KIT: variants seen among roughly 807,000 people sequenced by gnomAD.
The protein encoded by KIT is mast/stem cell growth factor receptor Kit.
KIT carries 16 observed loss-of-function variants against 105.7 expected under a neutral mutation model. The ratio of observed to expected loss-of-function variants is 0.15; its 90% CI spans 0.10 to 0.23. The LOEUF (loss-of-function observed/expected upper bound fraction) is 0.23. Ranked by LOEUF, KIT falls within the 10% of genes least tolerant of loss-of-function variation. The probability of loss-of-function intolerance (pLI) is 1.00; values close to 1 mark genes in which losing one functional copy is unlikely to be tolerated. For synonymous variants in KIT, 438 were observed against 441.1 expected, an observed-to-expected ratio of 0.99 and a Z score of 0.09; for missense variants, 858 against 1,213.8, an observed-to-expected ratio of 0.71 and a Z score of 4.36.
intron 2 of KIT, among the ~76,000 whole-genome samples, chr4:54,697,437 T>A (rs1164605931): frequency 2.6e-5 from 4 of 151,956 alleles, no homozygotes; most frequent in Non-Finnish European, 5.9e-5. Flanking sequence ...CTGTAGAGAG[T>A]GGCAGCATAT....
chr4:54,711,149 GGGATTACAGGAGTGAGCCACAACACT>G (rs1345057871), intron 7 of KIT, among the ~76,000 whole-genome samples: 2 of 152,146 alleles, frequency 1.3e-5, no homozygotes, highest in Non-Finnish European at 2.9e-5. Flanking sequence ...CCAAAGCACT[GGGATTACAGGAGTGAGCCACAACACT>G]CAACCTGTGT....
chr4:54,703,407 C>G (rs1720576004), intron 4 of KIT, among the ~76,000 whole-genome samples: 1 of 152,002 alleles, frequency 6.6e-6, no homozygotes, highest in Non-Finnish European at 1.5e-5. Context: ...TATCAGTATC[C>G]CATAATATTT....
At position 54,725,851 on chromosome 4, in the gene KIT, C is replaced by G. The variant is rs927440024; in HGVS notation, c.1347-6C>G. On this transcript the variant is annotated splice_region_variant and splice_polypyrimidine_tract_variant and intron_variant, in intron 8 of 20. Transcript: ENST00000288135. ...TAAGCCAGGGCTTTTGTTTTCTTCC[C>G]TTTAGATGCTCTGCTTCTGTACTGC... 1 of 1,613,658 alleles carries G rather than the reference C, an allele frequency of 6.2e-7. No individual in the cohort carries two copies. The highest frequency in any genetic ancestry group is 8.5e-7 in the Non-Finnish European group (1 of 1,179,762).
rs1231535676 is a variant in KIT, at chr4:54,736,788, G to C, written c.2664G>C (p.Arg888=). ...KFYKMIKEGF[R]MLSPEHAPAE... Reference sequence around the variant, plus strand: ...ACAAGATGATCAAGGAAGGCTTCCGGATGCTCAGCCCTGAACACGCACCTG... The same window carrying C: ...ACAAGATGATCAAGGAAGGCTTCCGCATGCTCAGCCCTGAACACGCACCTG... Residue 888 remains arginine (R), a synonymous_variant, in exon 19 of 21, where the codon CGG becomes CGC. Transcript: ENST00000288135. 6.2e-7 allele frequency: 1 copy of C among 1,613,990 alleles called. No individual in the cohort carries two copies. The highest frequency in any genetic ancestry group is 1.3e-5 in the African/African-American group (1 of 74,926).
At chr4:54,686,219 T>TAA (rs201077047) in intron 1 of KIT, among the ~76,000 whole-genome samples, 1 of 147,486 alleles carries the variant, frequency 6.8e-6, no homozygotes, top group Non-Finnish European at 1.5e-5. Flanking sequence ...AGGAGCTACT[T>TAA]AAAAAAAAAA....
At chr4:54,703,509 C>T (rs1179956373) in intron 4 of KIT, among the ~76,000 whole-genome samples, 3 of 152,164 alleles carry the variant, frequency 2.0e-5, no homozygotes, top group East Asian at 1.9e-4. Context: ...TTTTCCCAAT[C>T]GTTAATAATG....
At position 54,739,144 on chromosome 4, in the gene KIT, T is replaced by C. The variant is rs985258740; in HGVS notation, c.*587T>C. 1.7e-5 allele frequency: 6 copies of C among 350,238 alleles called. No homozygotes were observed. The highest frequency in any genetic ancestry group is 2.6e-5 in the Non-Finnish European group (5 of 195,076). 21.7% of individuals were successfully genotyped at this position (350,238 alleles called of 1,614,324 possible). On this transcript the variant is annotated 3_prime_UTR_variant, in exon 21 of 21. Coordinates refer to ENST00000288135, the MANE Select transcript of KIT (RefSeq NM_000222.3). ...TCTTCTGTGGACCACTGCATGAGCT[T>C]TTATACTACCGACCTGGTTTTTAAA...
chr4:54,670,430 C>A (rs1253046459), intron 1 of KIT, among the ~76,000 whole-genome samples: 3 of 152,160 alleles, frequency 2.0e-5, no homozygotes, highest in African/African-American at 7.2e-5. Flanking sequence ...CCATTTCAAC[C>A]AGGCTTTGCT....
intron 1 of KIT, among the ~76,000 whole-genome samples, chr4:54,684,410 A>G (rs573559310): frequency 6.6e-6 from 1 of 152,196 alleles, no homozygotes; most frequent in South Asian, 2.1e-4. Context: ...GGGCTTCTGC[A>G]CCTTATGGAC....
At chr4:54,681,300 G>A (rs930635038) in intron 1 of KIT, among the ~76,000 whole-genome samples, 3 of 152,022 alleles carry the variant, frequency 2.0e-5, no homozygotes, top group African/African-American at 7.2e-5. Flanking sequence ...GCGGGGAAAC[G>A]GGGGACTGTG....
At chr4:54,661,842 TAGAG>T (rs1347422655) in intron 1 of KIT, among the ~76,000 whole-genome samples, 5 of 152,278 alleles carry the variant, frequency 3.3e-5, no homozygotes, top group East Asian at 1.9e-4. Flanking sequence ...AGTTGAGTCA[TAGAG>T]AGGAATTGAG....
chr4:54,717,133 C>T (rs1467611022), intron 7 of KIT, among the ~76,000 whole-genome samples: 1 of 152,088 alleles, frequency 6.6e-6, no homozygotes, highest in African/African-American at 2.4e-5. Flanking sequence ...ATATCTCTTT[C>T]TCCTTATAAA....
In KIT at chr4:54,703,758, A is replaced by G; in HGVS notation, c.791A>G (p.His264Arg). ...CAGGAGAAATATAATAGCTGGCATC[A>G]CGGTGACTTCAATTATGAACGTCAG... The part of the protein sequence containing the change: ...KLQEKYNSWH[H>R]GDFNYERQAT... The change falls in exon 5 of 21, where the codon CAC becomes CGC. Residue 264 changes from histidine to arginine, a missense_variant. By Grantham distance (29) the His-to-Arg change is conservative (BLOSUM62 0). Around this residue, in one of 7 missense-constraint regions of KIT, gnomAD observed 401 missense variants for 601.0 expected, o/e 0.67. Transcript: ENST00000288135. 1 of 1,613,926 alleles carries G rather than the reference A, an allele frequency of 6.2e-7. No individual in the cohort carries two copies. The highest frequency in any genetic ancestry group is 8.5e-7 in the Non-Finnish European group (1 of 1,179,814).
chr4:54,703,688 TC>T, intron 4 of KIT, 35 bp from the exon 5 acceptor site: 2 of 1,552,422 alleles, frequency 1.3e-6, no homozygotes, highest in Non-Finnish European at 1.8e-6. Flanking sequence ...TATATGGTAA[TC>T]TTCATTTTTT....
intron 7 of KIT, among the ~76,000 whole-genome samples, chr4:54,713,138 T>TG (rs538595149): frequency 7.2e-4 from 109 of 152,256 alleles, no homozygotes; most frequent in African/African-American, 2.2e-3. Flanking sequence ...CAATAGTTTT[T>TG]GGGGAACAGA....
chr4:54,733,982 G>C (rs1722766546), intron 17 of KIT, among the ~76,000 whole-genome samples: 1 of 152,070 alleles, frequency 6.6e-6, no homozygotes, highest in African/African-American at 2.4e-5. Context: ...TGCCCCTTAT[G>C]ATAATGTAAT....
In KIT at chr4:54,695,709, G is replaced by A. The variant is rs2109662429; in HGVS notation, c.265G>A (p.Ala89Thr). ...TGAATGGATCACGGAAAAGGCAGAAGCCACCAACACCGGCAAATACACGTG... is the reference window on the plus strand; with the variant it reads ...TGAATGGATCACGGAAAAGGCAGAAACCACCAACACCGGCAAATACACGTG... The part of the protein sequence containing the change: ...QNEWITEKAE[A>T]TNTGKYTCTN... Residue 89 changes from alanine to threonine, a missense_variant, in exon 2 of 21, where the codon GCC (alanine) becomes ACC (threonine). By Grantham distance (58) the Ala-to-Thr change is moderately conservative. Around this residue, in one of 7 missense-constraint regions of KIT, gnomAD observed 401 missense variants for 601.0 expected, o/e 0.67. Transcript: ENST00000288135. 1 of 1,614,228 alleles carries A rather than the reference G, an allele frequency of 6.2e-7. No individual in the cohort carries two copies. The highest frequency in any genetic ancestry group is 1.1e-5 in the South Asian group (1 of 91,086).
chr4:54,705,499 A>G (rs1049117729), intron 5 of KIT, among the ~76,000 whole-genome samples: 1 of 152,202 alleles, frequency 6.6e-6, no homozygotes, highest in African/African-American at 2.4e-5. Flanking sequence ...TATAGATAGT[A>G]AGAATATTAC....
chr4:54,678,461 T>C (rs1285681475), intron 1 of KIT, among the ~76,000 whole-genome samples: 3 of 151,262 alleles, frequency 2.0e-5, no homozygotes, highest in Non-Finnish European at 4.4e-5. Context: ...GTGCAGTAAT[T>C]ATAGTAGTAG....
Sources: allele counts gnomAD v4.1 joint callset (sites outside exome capture counted in the v4.1 genomes callset), GRCh38; gene constraint gnomAD v4.1.1; regional missense constraint gnomAD v4.1.1; transcripts MANE v1.5; gene names NCBI Gene and HGNC (gene_info 2026-07-23, HGNC 2026-07-21).